MAP4: variants seen among roughly 807,000 people sequenced by gnomAD.
The protein encoded by MAP4 is microtubule-associated protein 4.
MAP4 carries 76 observed loss-of-function variants against 170.2 expected under a neutral mutation model. That is an observed-to-expected ratio of 0.45 (90% CI 0.37 to 0.54). The LOEUF (loss-of-function observed/expected upper bound fraction) is 0.54, where lower values mean the gene tolerates loss of function less well. Among genes scored for constraint, MAP4 ranks in the 20% least tolerant of loss-of-function variants. The pLI, the probability that MAP4 is intolerant of heterozygous loss-of-function variation, is 0.00. For missense variants in MAP4, 2,506 were observed against 2,748.0 expected (o/e 0.91, Z 1.97); for synonymous variants, 909 against 994.5 (o/e 0.91, Z 1.62).
intron 2 of MAP4, among the ~76,000 whole-genome samples, chr3:47,987,791 C>G (rs1026667384): frequency 2.6e-5 from 4 of 152,146 alleles, no homozygotes; most frequent in African/African-American, 9.7e-5. Flanking sequence ...AGGCCTTATA[C>G]TTTAGGTAAG....
chr3:48,028,326 C>T (rs576821920), intron 1 of MAP4, among the ~76,000 whole-genome samples: 1 of 152,044 alleles, frequency 6.6e-6, no homozygotes, highest in South Asian at 2.1e-4. Context: ...AGTTTAAGTA[C>T]GACACAGCTG....
intron 3 of MAP4, among the ~76,000 whole-genome samples, chr3:47,966,430 G>A (rs910500741): frequency 8.6e-5 from 13 of 151,524 alleles, no homozygotes; most frequent in Non-Finnish European, 1.3e-4. Context: ...GTATTTTTTA[G>A]TAGAGACGGG....
At chr3:47,998,607 CATAT>C (rs769351974) in intron 2 of MAP4, 27 bp downstream of exon 2, 53 of 1,531,740 alleles carry the variant, frequency 3.5e-5, no homozygotes, top group Non-Finnish European at 4.7e-5. Flanking sequence ...GCTTTCTGAA[CATAT>C]ATAAGCAGTC....
chr3:48,075,953 C>T (rs1177374954), intron 1 of MAP4, among the ~76,000 whole-genome samples: 1 of 128,722 alleles, frequency 7.8e-6, no homozygotes, highest in Non-Finnish European at 1.6e-5. Flanking sequence ...TCAGCCTGGG[C>T]GACAGAGTGA....
intron 13 of MAP4, 30 bp downstream of exon 13, chr3:47,871,887 G>T (rs1439020383): frequency 1.3e-6 from 2 of 1,584,780 alleles, no homozygotes; most frequent in Admixed American, 1.7e-5. Flanking sequence ...CCCCTCCCTA[G>T]TTCCCATGGG....
intron 3 of MAP4, among the ~76,000 whole-genome samples, chr3:47,960,002 A>G (rs2100070563): frequency 6.6e-6 from 1 of 151,974 alleles, no homozygotes; most frequent in African/African-American, 2.4e-5. Context: ...AACTGGGATT[A>G]CAGGCACTCA....
intron 1 of MAP4, among the ~76,000 whole-genome samples, chr3:48,062,107 G>C (rs942886352): frequency 9.4e-4 from 143 of 152,218 alleles, no homozygotes; most frequent in Non-Finnish European, 1.8e-3. Context: ...TGCTGTGTCT[G>C]TGTGGAGAGA....
intron 1 of MAP4, among the ~76,000 whole-genome samples, chr3:48,084,596 G>A (rs1310977041): frequency 1.3e-5 from 2 of 150,188 alleles, no homozygotes; most frequent in Admixed American, 6.6e-5. Flanking sequence ...TTTTGCAGGG[G>A]TGAGCAGGTC....
chr3:47,913,628 T>C (rs189051112), intron 8 of MAP4, among the ~76,000 whole-genome samples: 4 of 152,306 alleles, frequency 2.6e-5, no homozygotes, highest in Admixed American at 6.5e-5. Flanking sequence ...TGCCTTAACA[T>C]GGTGTATTTT....
intron 3 of MAP4, among the ~76,000 whole-genome samples, chr3:47,930,502 G>A (rs1251435879): frequency 6.6e-6 from 1 of 151,350 alleles, no homozygotes; most frequent in Non-Finnish European, 1.5e-5. Flanking sequence ...AACAACAAAG[G>A]TACTATTAAA....
intron 1 of MAP4, among the ~76,000 whole-genome samples, chr3:48,079,428 C>T (rs949045798): frequency 1.3e-5 from 2 of 151,444 alleles, no homozygotes; most frequent in African/African-American, 2.4e-5. Context: ...CCAAGGTGGG[C>T]GCATCACTTG....
intron 11 of MAP4, among the ~76,000 whole-genome samples, chr3:47,876,696 T>C (rs1425931030): frequency 6.6e-6 from 1 of 152,188 alleles, no homozygotes; most frequent in African/African-American, 2.4e-5. Flanking sequence ...CTTTTGAACT[T>C]TGCAATAAGT....
At chr3:47,945,677 TTTTA>T (rs1275719930) in intron 3 of MAP4, among the ~76,000 whole-genome samples, 10 of 152,104 alleles carry the variant, frequency 6.6e-5, no homozygotes, top group Non-Finnish European at 1.3e-4. Flanking sequence ...TTCTACTGAA[TTTTA>T]TTTACTTTTT....
At chr3:47,982,686 G>C (rs993968964) in intron 2 of MAP4, among the ~76,000 whole-genome samples, 1 of 152,058 alleles carries the variant, frequency 6.6e-6, no homozygotes, top group Non-Finnish European at 1.5e-5. Context: ...TAAAAAGAAA[G>C]CTTGATATAT....
chr3:48,023,218 G>A (rs937074751), intron 1 of MAP4, among the ~76,000 whole-genome samples: 2 of 152,104 alleles, frequency 1.3e-5, no homozygotes, highest in African/African-American at 4.8e-5. Context: ...AACTACACAA[G>A]AAAGTACTAA....
intron 1 of MAP4, among the ~76,000 whole-genome samples, chr3:48,031,948 C>T (rs2100116372): frequency 1.3e-5 from 2 of 152,040 alleles, no homozygotes; most frequent in African/African-American, 4.8e-5. Flanking sequence ...ATAGTATGCA[C>T]CCTTGATATA....
At chr3:48,065,020 C>T (rs1467636778) in intron 1 of MAP4, among the ~76,000 whole-genome samples, 3 of 152,182 alleles carry the variant, frequency 2.0e-5, no homozygotes, top group Non-Finnish European at 4.4e-5. Context: ...GTCCCATCTA[C>T]TGTGGAGGCT....
At chr3:47,903,028 T>G (rs1208197175) in intron 9 of MAP4, 28 bp from the exon 10 acceptor site, 1 of 968,842 alleles carries the variant, frequency 1.0e-6, no homozygotes, top group Non-Finnish European at 1.2e-6. Context: ...AGCCAGATTA[T>G]AAGAAGACCA....
At chr3:47,934,525 C>T (rs766075991) in intron 3 of MAP4, among the ~76,000 whole-genome samples, 1 of 152,216 alleles carries the variant, frequency 6.6e-6, no homozygotes, top group Non-Finnish European at 1.5e-5. Flanking sequence ...TGGTCTTGAA[C>T]TTCTGGGCTC....
Sources: allele counts gnomAD v4.1 joint callset (sites outside exome capture counted in the v4.1 genomes callset), GRCh38; gene constraint gnomAD v4.1.1; transcripts MANE v1.5; gene names NCBI Gene and HGNC (gene_info 2026-07-23, HGNC 2026-07-21).